Variants in ENAH observed in about 807,000 individuals in gnomAD.
ENAH encodes the protein protein enabled homolog.
ENAH carries 23 observed loss-of-function variants against 78.7 expected under a neutral mutation model. That is an observed-to-expected ratio of 0.29 (90% CI 0.21 to 0.41). ENAH has a LOEUF of 0.41. ENAH is among the 10% of genes least tolerant of loss of function. The pLI is 1.00. For synonymous variants in ENAH, 226 were observed against 241.0 expected (o/e 0.94, Z 0.58); for missense variants, 544 against 691.0 (o/e 0.79, Z 2.39).
chr1:225,523,847 A>C (rs990411374), intron 4 of ENAH, among the ~76,000 whole-genome samples: 9 of 152,216 alleles, frequency 5.9e-5, no homozygotes, highest in Non-Finnish European at 7.3e-5. Flanking sequence ...CAATTCACAT[A>C]CTGGAAATGC....
At chr1:225,521,355 T>G (rs2096466576) in intron 4 of ENAH, among the ~76,000 whole-genome samples, 1 of 151,902 alleles carries the variant, frequency 6.6e-6, no homozygotes, top group Non-Finnish European at 1.5e-5. Flanking sequence ...CAATTAACCT[T>G]CCCTAAAAAA....
Position 225,585,506 on chromosome 1 carries a change from G to A in ENAH, c.6-18092C>T, listed in dbSNP as rs373768805. On this transcript the variant is annotated intron_variant, in intron 1 of 13. Transcript: ENST00000366843. ...GCCATAAAAAAAAATTGAATAAATT[G>A]CCCAGGTGCAGTGGCTCATGCCTAT... Among the ~76,000 whole-genome samples the A allele has an allele frequency of 4.6e-5, 7 of 152,110 alleles. No homozygotes were observed. In the East Asian group the frequency reaches 5.8e-4, roughly 13 times the overall value.
intron 3 of ENAH, among the ~76,000 whole-genome samples, chr1:225,552,857 T>C (rs567479554): frequency 1.1e-4 from 16 of 152,308 alleles, no homozygotes; most frequent in East Asian, 1.9e-4. Flanking sequence ...ATGTGGAACA[T>C]TGTTTCTTAA....
At chr1:225,623,804 T>A (rs1022561720) in intron 1 of ENAH, among the ~76,000 whole-genome samples, 1 of 152,148 alleles carries the variant, frequency 6.6e-6, no homozygotes, top group Non-Finnish European at 1.5e-5. Context: ...TTAGCCAGGA[T>A]GGTCTCGCTC....
intron 1 of ENAH, among the ~76,000 whole-genome samples, chr1:225,626,480 A>T (rs1481760716): frequency 1.3e-5 from 2 of 152,246 alleles, no homozygotes; most frequent in African/African-American, 4.8e-5. Context: ...GCCCTTAAAA[A>T]AGAGCTAGGC....
chr1:225,627,473 G>A (rs1156629874), intron 1 of ENAH, among the ~76,000 whole-genome samples: 2 of 152,188 alleles, frequency 1.3e-5, no homozygotes, highest in African/African-American at 2.4e-5. Flanking sequence ...ATGAGATAAG[G>A]AGAGAACCAA....
intron 4 of ENAH, among the ~76,000 whole-genome samples, chr1:225,530,157 C>T (rs1178682224): frequency 6.6e-6 from 1 of 152,188 alleles, no homozygotes; most frequent in Non-Finnish European, 1.5e-5. Context: ...ATCTGAAGAT[C>T]AATGTGTTAC....
At chr1:225,518,223 A>G (rs892629772) in intron 5 of ENAH, among the ~76,000 whole-genome samples, 1 of 152,230 alleles carries the variant, frequency 6.6e-6, no homozygotes, top group African/African-American at 2.4e-5. Flanking sequence ...TTTATCTAAT[A>G]AGTGGATTAA....
At chr1:225,616,991 C>T (rs534825973) in intron 1 of ENAH, among the ~76,000 whole-genome samples, 7 of 151,896 alleles carry the variant, frequency 4.6e-5, no homozygotes, top group East Asian at 3.9e-4. Context: ...CCCAGCTACT[C>T]GGGAGGTTGA....
chr1:225,597,176 A>G (rs1297261645), intron 1 of ENAH, among the ~76,000 whole-genome samples: 2 of 152,222 alleles, frequency 1.3e-5, no homozygotes, highest in African/African-American at 4.8e-5. Context: ...TATTCTACCC[A>G]TAGGAAAATA....
rs1316197118 is a variant in ENAH at position 225,494,844 on chromosome 1, C to A, written c.*2931G>T. Reference sequence around the variant, plus strand: ...ATACTGCAATTTTATTTCAATCGCACAAACGAAGTTAGCGTGTAGGAAACT... The same window carrying A: ...ATACTGCAATTTTATTTCAATCGCAAAAACGAAGTTAGCGTGTAGGAAACT... On this transcript the variant is annotated 3_prime_UTR_variant, in exon 14 of 14. Coordinates refer to ENST00000366843, the MANE Select transcript of ENAH (RefSeq NM_018212.6). The A allele has an allele frequency of 6.6e-6, 1 of 152,532 alleles. No individual in the cohort carries two copies. Among genetic ancestry groups the A allele is most frequent in the Non-Finnish European group, 1.5e-5 (1 of 68,024 alleles). The allele number at this position is 152,532 out of a possible 1,614,324, so 9.4% of individuals were successfully genotyped here.
At chr1:225,512,814 G>T in intron 8 of ENAH, 57 bp downstream of exon 8, 1 of 1,603,116 alleles carries the variant, frequency 6.2e-7, no homozygotes, top group Non-Finnish European at 8.5e-7. Flanking sequence ...GTTGTATTTG[G>T]AATACAATTA....
At chr1:225,649,213 TA>T (rs1662526678) in intron 1 of ENAH, among the ~76,000 whole-genome samples, 1 of 152,172 alleles carries the variant, frequency 6.6e-6, no homozygotes. Context: ...ACCCAGCTAG[TA>T]AATGGCTTGG....
At chr1:225,557,542 C>T (rs2151439981) in intron 2 of ENAH, among the ~76,000 whole-genome samples, 1 of 152,278 alleles carries the variant, frequency 6.6e-6, no homozygotes, top group African/African-American at 2.4e-5. Flanking sequence ...ATCTTTCACA[C>T]CAGGCAGGTG....
In ENAH at chr1:225,493,169, T is replaced by C. The variant is rs1190073671; in HGVS notation, c.*4606A>G. ...AAAAATCTTGATGTCTCAAAAATTA[T>C]CGAGAGATAACATAAAGGGGAACAC... is the stretch of plus-strand genomic sequence containing the variant. On this transcript the variant is annotated 3_prime_UTR_variant, in exon 14 of 14. Coordinates refer to ENST00000366843, the MANE Select transcript of ENAH (RefSeq NM_018212.6). The C allele has an allele frequency of 6.6e-6, 1 of 152,190 alleles. No homozygotes were observed. The highest frequency in any genetic ancestry group is 2.4e-5 in the African/African-American group (1 of 41,448). The allele number at this position is 152,190 out of a possible 1,614,324, so 9.4% of individuals were successfully genotyped here.
chr1:225,632,117 AGAG>A (rs1659194417), intron 1 of ENAH, among the ~76,000 whole-genome samples: 1 of 152,244 alleles, frequency 6.6e-6, no homozygotes, highest in Non-Finnish European at 1.5e-5. Context: ...TTCATTGTTT[AGAG>A]GTTTCCTCCT....
chr1:225,621,207 T>C (rs958549176), intron 1 of ENAH, among the ~76,000 whole-genome samples: 1 of 152,186 alleles, frequency 6.6e-6, no homozygotes, highest in African/African-American at 2.4e-5. Context: ...AGAACCTTGG[T>C]GTGACCTTTC....
At chr1:225,610,612 G>A (rs1325500172) in intron 1 of ENAH, among the ~76,000 whole-genome samples, 1 of 151,980 alleles carries the variant, frequency 6.6e-6, no homozygotes, top group Non-Finnish European at 1.5e-5. Flanking sequence ...GGATGAAGGG[G>A]TCACAATCCA....
chr1:225,585,671 C>T (rs1435892688), intron 1 of ENAH, among the ~76,000 whole-genome samples: 1 of 152,096 alleles, frequency 6.6e-6, no homozygotes, highest in Non-Finnish European at 1.5e-5. Flanking sequence ...CACCTGTAGT[C>T]CCAGCTACCC....
Sources: gnomAD v4.1 joint callset for allele counts (sites outside exome capture counted in the v4.1 genomes callset) on GRCh38, gnomAD v4.1.1 for gene constraint, MANE v1.5 for transcripts, NCBI Gene and HGNC (gene_info 2026-07-23, HGNC 2026-07-21) for gene names.